GUCY1A2: variants seen among roughly 807,000 people sequenced by gnomAD.
The protein encoded by GUCY1A2 is guanylate cyclase soluble subunit alpha-2.
Under a neutral mutation model 63.5 loss-of-function variants are expected in GUCY1A2, and 27 were observed. The observed-to-expected ratio is 0.43, with a 90% CI of 0.31 to 0.59. GUCY1A2 has a LOEUF of 0.59. Among genes scored for constraint, GUCY1A2 ranks in the 20% least tolerant of loss-of-function variants. The probability of loss-of-function intolerance (pLI) is 0.11; values close to 1 mark genes in which losing one functional copy is unlikely to be tolerated. For synonymous variants in GUCY1A2, 364 were observed against 343.5 expected (o/e 1.06, Z -0.66); for missense variants, 768 against 913.3 (o/e 0.84, Z 2.05).
chr11:106,908,744 TA>T (rs1209336939), intron 4 of GUCY1A2, among the ~76,000 whole-genome samples: 1 of 152,052 alleles, frequency 6.6e-6, no homozygotes, highest in African/African-American at 2.4e-5. Flanking sequence ...AGGATATAAA[TA>T]GGTACGACCA....
intron 4 of GUCY1A2, among the ~76,000 whole-genome samples, chr11:106,923,764 A>C (rs569122493): frequency 6.6e-6 from 1 of 152,300 alleles, no homozygotes; most frequent in Non-Finnish European, 1.5e-5. Context: ...AGGAGACAGA[A>C]CAGGTTATAA....
At position 106,677,178 on chromosome 11, in the gene GUCY1A2, G is replaced by A; in HGVS notation, c.*10371C>T. On this transcript the variant is annotated 3_prime_UTR_variant, in exon 8 of 8. Coordinates refer to ENST00000526355, the MANE Select transcript of GUCY1A2 (RefSeq NM_000855.3). ...GAAAGAAATAAAGCAAAGAGGGAGG[G>A]AAGGAAAGGAAGGAAAGGAAGGAAG... The A allele has an allele frequency of 4.5e-6, 1 of 221,320 alleles. No homozygotes were observed. The highest frequency in any genetic ancestry group is 9.1e-6 in the Non-Finnish European group (1 of 109,994). 13.7% of individuals were successfully genotyped at this position (221,320 alleles called of 1,614,324 possible).
intron 6 of GUCY1A2, among the ~76,000 whole-genome samples, chr11:106,775,043 C>A (rs547494347): frequency 6.6e-6 from 1 of 152,076 alleles, no homozygotes; most frequent in East Asian, 1.9e-4. Flanking sequence ...TAATTTCCCC[C>A]GGTTCTTCCC....
chr11:106,738,856 G>A (rs1863637718), intron 6 of GUCY1A2, among the ~76,000 whole-genome samples: 1 of 152,068 alleles, frequency 6.6e-6, no homozygotes, highest in African/African-American at 2.4e-5. Context: ...TTTTGCTTGG[G>A]ATTGTCTTGG....
chr11:106,804,819 C>T lies in GUCY1A2; in HGVS notation c.1692+5174G>A, dbSNP rs1054511653. Among the ~76,000 whole-genome samples, 3 of 152,168 alleles carry T rather than the reference C, an allele frequency of 2.0e-5. No individual in the cohort carries two copies. The South Asian group carries it at 6.2e-4, about 32-fold the overall frequency. On this transcript the variant is annotated intron_variant, in intron 5 of 7. Coordinates refer to ENST00000526355, the MANE Select transcript of GUCY1A2 (RefSeq NM_000855.3). ...AATTCTGTCCAGGGAAAAGACTCTGCTTCTTTATCAAAGTTTGTACTGATA... is the reference window on the plus strand; with the variant it reads ...AATTCTGTCCAGGGAAAAGACTCTGTTTCTTTATCAAAGTTTGTACTGATA...
chr11:106,812,532 C>T (rs1858776247), intron 4 of GUCY1A2, among the ~76,000 whole-genome samples: 1 of 151,774 alleles, frequency 6.6e-6, no homozygotes, highest in South Asian at 2.1e-4. Flanking sequence ...TCAACTTTAA[C>T]ATTTACCATC....
intron 5 of GUCY1A2, among the ~76,000 whole-genome samples, chr11:106,798,557 T>G (rs1864810493): frequency 6.6e-6 from 1 of 152,178 alleles, no homozygotes; most frequent in Non-Finnish European, 1.5e-5. Context: ...ATCAAAAAGC[T>G]TATCCACCAT....
intron 6 of GUCY1A2, among the ~76,000 whole-genome samples, chr11:106,745,314 C>A (rs1457085254): frequency 6.6e-6 from 1 of 152,190 alleles, no homozygotes; most frequent in Non-Finnish European, 1.5e-5. Flanking sequence ...CACACACCCA[C>A]ACACTCTCTT....
In GUCY1A2 at chr11:106,836,836, A is replaced by T. The variant is rs145827724; in HGVS notation, c.1207-26358T>A. Among the ~76,000 whole-genome samples the T allele has an allele frequency of 4.9e-3, 752 of 152,088 alleles. 6 individuals are homozygous for T. The highest frequency in any genetic ancestry group is 8.4e-3 in the Non-Finnish European group (569 of 67,916). On this transcript the variant is annotated intron_variant, in intron 4 of 7. Transcript: ENST00000526355. ...TTATGCAGTTATGATGTAATACTAC[A>T]TCTTTACATTTGTTTACATTTCTCT... is the stretch of plus-strand genomic sequence containing the variant.
chr11:106,771,853 T>C (rs1401505129), intron 6 of GUCY1A2, among the ~76,000 whole-genome samples: 2 of 152,078 alleles, frequency 1.3e-5, no homozygotes, highest in African/African-American at 4.8e-5. Context: ...AGAAGAAATA[T>C]CATATTGATC....
intron 4 of GUCY1A2, among the ~76,000 whole-genome samples, chr11:106,925,859 C>A (rs1329085760): frequency 2.0e-5 from 3 of 151,956 alleles, no homozygotes; most frequent in South Asian, 2.1e-4. Context: ...AGGAGATAGA[C>A]AAAATTGGGG....
At chr11:106,869,377 T>C (rs1448292459) in intron 4 of GUCY1A2, among the ~76,000 whole-genome samples, 2 of 151,998 alleles carry the variant, frequency 1.3e-5, no homozygotes, top group Non-Finnish European at 2.9e-5. Flanking sequence ...AGGGCGAATA[T>C]CCAGAATCTA....
intron 7 of GUCY1A2, among the ~76,000 whole-genome samples, chr11:106,699,795 T>G (rs1025328523): frequency 6.6e-6 from 1 of 152,112 alleles, no homozygotes; most frequent in Non-Finnish European, 1.5e-5. Context: ...TTTTCTTTTT[T>G]TTTTGAGGCG....
At chr11:106,922,688 T>A (rs1182670988) in intron 4 of GUCY1A2, among the ~76,000 whole-genome samples, 1 of 16,480 alleles carries the variant, frequency 6.1e-5, no homozygotes, top group Non-Finnish European at 1.5e-4. Context: ...TATATATATA[T>A]ATATATATAT....
At chr11:106,957,153 G>T (rs1860996818) in intron 3 of GUCY1A2, among the ~76,000 whole-genome samples, 1 of 152,188 alleles carries the variant, frequency 6.6e-6, no homozygotes, top group South Asian at 2.1e-4. Context: ...GCAGGGGAAA[G>T]TACAGCCTGG....
At chr11:106,763,865 A>G (rs904813759) in intron 6 of GUCY1A2, among the ~76,000 whole-genome samples, 31 of 152,150 alleles carry the variant, frequency 2.0e-4, no homozygotes, top group African/African-American at 7.5e-4. Flanking sequence ...GTAAATAAAA[A>G]ATAATCTTAG....
At chr11:106,775,028 A>G (rs1864330906) in intron 6 of GUCY1A2, among the ~76,000 whole-genome samples, 1 of 152,116 alleles carries the variant, frequency 6.6e-6, no homozygotes, top group African/African-American at 2.4e-5. Context: ...GTTTTTTCAC[A>G]TCTATAATTT....
intron 4 of GUCY1A2, chr11:106,936,546 A>G (rs1860679409): frequency 3.5e-6 from 2 of 569,088 alleles, no homozygotes; most frequent in Non-Finnish European, 6.2e-6. Flanking sequence ...ATAGGGAGAG[A>G]GAAGAATATG....
Position 106,684,684 on chromosome 11 carries a change from G to C in GUCY1A2, c.*2865C>G, listed in dbSNP as rs1862491639. On this transcript the variant is annotated 3_prime_UTR_variant, in exon 8 of 8. Coordinates refer to ENST00000526355, the MANE Select transcript of GUCY1A2 (RefSeq NM_000855.3). Reference sequence around the variant, plus strand: ...GAATATTAAAATGCAAGAGCTATAGGTGCCAAATTATATTTTAAAGTATCC... The same window carrying C: ...GAATATTAAAATGCAAGAGCTATAGCTGCCAAATTATATTTTAAAGTATCC... 4.9e-6 allele frequency: 1 copy of C among 202,858 alleles called. No homozygotes were observed. The highest frequency in any genetic ancestry group is 1.0e-5 in the Non-Finnish European group (1 of 98,800). The allele number at this position is 202,858 out of a possible 1,614,324, so 12.6% of individuals were successfully genotyped here. A position where few individuals can be genotyped will look rare whatever the true frequency, so the allele number is the denominator to read the frequency against.
Sources: gnomAD v4.1 joint callset for allele counts (sites outside exome capture counted in the v4.1 genomes callset) on GRCh38, gnomAD v4.1.1 for gene constraint, MANE v1.5 for transcripts, NCBI Gene and HGNC (gene_info 2026-07-23, HGNC 2026-07-21) for gene names.